Variants in VSIG2 observed in about 807,000 individuals in gnomAD.
VSIG2 encodes V-set and immunoglobulin domain-containing protein 2.
In VSIG2, 30 loss-of-function variants were observed where a neutral mutation model predicts 29.4. That is an observed-to-expected ratio of 1.02 (90% CI 0.76 to 1.38). The LOEUF is 1.38. Ranked by LOEUF, VSIG2 falls within the 40% of genes most tolerant of loss-of-function variation. VSIG2 has a pLI of 0.00. For missense variants in VSIG2, 421 were observed against 400.8 expected (o/e 1.05, Z -0.43); for synonymous variants, 178 against 174.2 (o/e 1.02, Z -0.17).
intron 1 of VSIG2, 96 bp from the exon 2 acceptor site, chr11:124,751,676 C>T: frequency 7.6e-7 from 1 of 1,313,232 alleles, no homozygotes; most frequent in Non-Finnish European, 1.0e-6. Context: ...GCTGGGGGCT[C>T]CCTCCCCAGA....
intron 4 of VSIG2, 133 bp downstream of exon 4, chr11:124,749,575 G>A: frequency 1.6e-6 from 2 of 1,253,326 alleles, no homozygotes; most frequent in Non-Finnish European, 2.2e-6. Context: ...GGAAGCCAAG[G>A]AAGAGACAGG....
Position 124,749,885 on chromosome 11 carries a change from A to AAAAAAAAAAAAAAAAC in VSIG2, c.428-20_428-19insGTTTTTTTTTTTTTTT, listed in dbSNP as rs1555108849. ...GGGGGAACTGCAAAAAAAAAAAAAA[A>AAAAAAAAAAAAAAAAC]AAAAAAAAAACAGAAAGTTCCTCAG... On this transcript the variant is annotated intron_variant, in intron 3 of 6. Transcript: ENST00000326621. The AAAAAAAAAAAAAAAAC allele has an allele frequency of 4.4e-5, 63 of 1,418,972 alleles. No individual in the cohort carries two copies. Among genetic ancestry groups the AAAAAAAAAAAAAAAAC allele is most frequent in the African/African-American group, 3.0e-4 (16 of 54,208 alleles). 87.9% of individuals were successfully genotyped at this position (1,418,972 alleles called of 1,614,324 possible). A position where few individuals can be genotyped will look rare whatever the true frequency, so the allele number is the denominator to read the frequency against.
At position 124,748,430 on chromosome 11, in the gene VSIG2, CCCTCTCTTT is replaced by C. The variant is rs755985374; in HGVS notation, c.802_810del (p.Lys268_Arg270del). 1 of 1,614,136 alleles carries C rather than the reference CCCTCTCTTT, an allele frequency of 6.2e-7. No individual in the cohort carries two copies. The highest frequency in any genetic ancestry group is 1.1e-5 in the South Asian group (1 of 91,076). On this transcript the variant is annotated inframe_deletion, in exon 6 of 7. Transcript: ENST00000326621. ...CCATATGTCTCCTTGGGCTTCTTCC[CCCTCTCTTT>C]CTGGAACCTGACCAGGCAGAACGCA...
rs1400068809 is a variant in VSIG2 at position 124,752,126 on chromosome 11, G to A, written c.12C>T (p.Leu4=). The A allele has an allele frequency of 6.2e-7, 1 of 1,603,358 alleles. No homozygotes were observed. The highest frequency in any genetic ancestry group is 8.5e-7 in the Non-Finnish European group (1 of 1,178,050). The change falls in exon 1 of 7, where the codon CTC becomes CTT. Residue 4 remains leucine, a synonymous_variant. Coordinates refer to ENST00000326621, the MANE Select transcript of VSIG2 (RefSeq NM_014312.5). ...GGGCCCCGCAGAGAAAGGGCCCCGG[G>A]AGCTCGGCCATGGCCGCGTCCGGCC... is the stretch of plus-strand genomic sequence containing the variant. MAE[L]PGPFLCGALL... is the part of the protein sequence containing the mutation.
Position 124,748,686 on chromosome 11 carries a change from G to T in VSIG2, c.664C>A (p.Gln222Lys). ...SGTYRCVATNQMGSASCELTL... is the reference protein window; with the variant it reads ...SGTYRCVATNKMGSASCELTL... ...AGCTCACAGGATGCACTGCCCATCT[G>T]GTTGGTGGCCACACAGCGGTAGGTG... Residue 222 changes from glutamine to lysine, a missense_variant, in exon 5 of 7, where the codon CAG (glutamine) becomes AAG (lysine). Physicochemically the swap from Gln to Lys is moderately conservative, Grantham distance 53 (BLOSUM62 1). Transcript: ENST00000326621. The T allele has an allele frequency of 6.2e-7, 1 of 1,614,140 alleles. No individual in the cohort carries two copies. Among genetic ancestry groups the T allele is most frequent in the Non-Finnish European group, 8.5e-7 (1 of 1,180,008 alleles).
Position 124,750,855 on chromosome 11 carries a change from G to C in VSIG2, c.286C>G (p.Gln96Glu), listed in dbSNP as rs751599838. The change falls in exon 3 of 7, where the codon CAG becomes GAG. Residue 96 changes from glutamine (Q) to glutamate (E), a missense_variant. Gln to Glu is a conservative substitution (Grantham distance 29, BLOSUM62 2). Coordinates refer to ENST00000326621, the MANE Select transcript of VSIG2 (RefSeq NM_014312.5). ...GSKSKRVSLLQNPPTVGVATL... is the reference protein window; with the variant it reads ...GSKSKRVSLLENPPTVGVATL... ...GCCACCCCCACTGTGGGGGGGTTCT[G>C]AAGCAGGCTGACCCGCTTTGACTTA... is the stretch of plus-strand genomic sequence containing the variant. 6.2e-7 allele frequency: 1 copy of C among 1,614,134 alleles called. No individual in the cohort carries two copies. The highest frequency in any genetic ancestry group is 1.7e-5 in the Admixed American group (1 of 60,028).
rs780111158 is a variant in VSIG2, at chr11:124,750,785, T to C, written c.356A>G (p.Tyr119Cys). ...TGGTGGGTTGTTGACTTGGCAGAGG[T>C]AGGTTCCAGTATCTGAGGGGTGGAC... ...TDVHPSDTGTYLCQVNNPPDF... is the reference protein window; with the variant it reads ...TDVHPSDTGTCLCQVNNPPDF... The change falls in exon 3 of 7, where the codon TAC becomes TGC. Residue 119 changes from tyrosine (Y) to cysteine (C), a missense_variant. By Grantham distance (194) the Tyr-to-Cys change is radical (BLOSUM62 -2). Coordinates refer to ENST00000326621, the MANE Select transcript of VSIG2 (RefSeq NM_014312.5). The C allele has an allele frequency of 6.2e-7, 1 of 1,613,968 alleles. No homozygotes were observed. The highest frequency in any genetic ancestry group is 8.5e-7 in the Non-Finnish European group (1 of 1,179,960).
In VSIG2 at chr11:124,752,070, T is replaced by G. The variant is rs924497018; in HGVS notation, c.61+7A>C. The G allele has an allele frequency of 6.2e-7, 1 of 1,604,092 alleles. No homozygotes were observed. The highest frequency in any genetic ancestry group is 8.5e-7 in the Non-Finnish European group (1 of 1,177,898). ...CCTCGCCGTGGTCCCGCCCGGCCCC[T>G]CCTCACCACTCAGGCACAGGAAGCC... is the stretch of plus-strand genomic sequence containing the variant. On this transcript the variant is annotated splice_region_variant and intron_variant, in intron 1 of 6. Coordinates refer to ENST00000326621, the MANE Select transcript of VSIG2 (RefSeq NM_014312.5).
In VSIG2 at chr11:124,751,589, G is replaced by A. The variant is rs370098469; in HGVS notation, c.62-9C>T. 1.4e-5 allele frequency: 22 copies of A among 1,569,088 alleles called. No homozygotes were observed. Among genetic ancestry groups the A allele is most frequent in the Admixed American group, 1.2e-4 (7 of 56,036 alleles). ...CACCTCCACGGCCAGCCCTGGGGCC[G>A]GGGACCAGAGGGAGGTGGGAACCCA... On this transcript the variant is annotated splice_polypyrimidine_tract_variant and intron_variant, in intron 1 of 6. Coordinates refer to ENST00000326621, the MANE Select transcript of VSIG2 (RefSeq NM_014312.5).
At chr11:124,749,603 G>T in intron 4 of VSIG2, 105 bp downstream of exon 4, 1 of 1,453,678 alleles carries the variant, frequency 6.9e-7, no homozygotes, top group Non-Finnish European at 9.3e-7. Context: ...ATAGTGGTTT[G>T]TGTCATACCC....
rs1555108850 is a variant in VSIG2, at chr11:124,749,885, A to AAAC, written c.428-20_428-19insGTT. The stretch of plus-strand genomic sequence containing the variant: ...GGGGGAACTGCAAAAAAAAAAAAAA[A>AAAC]AAAAAAAAAACAGAAAGTTCCTCAG... On this transcript the variant is annotated intron_variant, in intron 3 of 6. Coordinates refer to ENST00000326621, the MANE Select transcript of VSIG2 (RefSeq NM_014312.5). 7.0e-5 allele frequency: 99 copies of AAAC among 1,419,094 alleles called. No homozygotes were observed. The highest frequency in any genetic ancestry group is 4.8e-4 in the African/African-American group (26 of 54,178). The allele number at this position is 1,419,094 out of a possible 1,614,324, so 87.9% of individuals were successfully genotyped here.
chr11:124,749,627 G>C, intron 4 of VSIG2, 81 bp downstream of exon 4: 1 of 1,534,010 alleles, frequency 6.5e-7, no homozygotes, highest in Non-Finnish European at 8.8e-7. Context: ...GTCATGGAAC[G>C]GATAATACGG....
At position 124,752,131 on chromosome 11, in the gene VSIG2, C is replaced by G. The variant is rs773441220; in HGVS notation, c.7G>C (p.Glu3Gln). 1.3e-6 allele frequency: 2 copies of G among 1,598,850 alleles called. No individual in the cohort carries two copies. The highest frequency in any genetic ancestry group is 2.7e-5 in the African/African-American group (2 of 74,836). MA[E>Q]LPGPFLCGAL... The stretch of plus-strand genomic sequence containing the variant: ...CCGCAGAGAAAGGGCCCCGGGAGCT[C>G]GGCCATGGCCGCGTCCGGCCGTCCT... The change falls in exon 1 of 7, where the codon GAG becomes CAG. Residue 3 changes from glutamate to glutamine, a missense_variant. Coordinates refer to ENST00000326621, the MANE Select transcript of VSIG2 (RefSeq NM_014312.5).
chr11:124,749,166 G>A (rs1195966507), intron 4 of VSIG2, among the ~76,000 whole-genome samples: 2 of 152,156 alleles, frequency 1.3e-5, no homozygotes, highest in African/African-American at 4.8e-5. Flanking sequence ...TTTCTAAACT[G>A]TTTACCTTTG....
chr11:124,750,663 C>T, intron 3 of VSIG2, 51 bp downstream of exon 3: 3 of 1,588,176 alleles, frequency 1.9e-6, no homozygotes, highest in Non-Finnish European at 2.6e-6. Context: ...AGTGCAAACG[C>T]CCCAAGTATG....
chr11:124,749,945 G>A (rs572762425), intron 3 of VSIG2, 79 bp from the exon 4 acceptor site: 7 of 1,415,996 alleles, frequency 4.9e-6, no homozygotes, highest in Non-Finnish European at 6.5e-6. Flanking sequence ...TCCATTAGGT[G>A]CTACATTCTC....
At chr11:124,748,873 A>G in intron 4 of VSIG2, 110 bp from the exon 5 acceptor site, 1 of 1,527,238 alleles carries the variant, frequency 6.5e-7, no homozygotes, top group Non-Finnish European at 9.0e-7. Context: ...GGAGCAACTA[A>G]TTTTTTTTCA....
At position 124,748,743 on chromosome 11, in the gene VSIG2, T is replaced by A; in HGVS notation, c.607A>T (p.Ile203Phe). ...GAGGTCAGGGAGAGGTTGGTGAGAA[T>A]GAGCTGGCCAGACACCTCATCTAGA... ...MVQDEVSGQL[I>F]LTNLSLTSSG... The change falls in exon 5 of 7, where the codon ATT becomes TTT. Residue 203 changes from isoleucine to phenylalanine, a missense_variant. Ile to Phe is a conservative substitution (Grantham distance 21). Coordinates refer to ENST00000326621, the MANE Select transcript of VSIG2 (RefSeq NM_014312.5). The A allele has an allele frequency of 6.2e-7, 1 of 1,614,194 alleles. No homozygotes were observed. The highest frequency in any genetic ancestry group is 8.5e-7 in the Non-Finnish European group (1 of 1,180,036).
intron 2 of VSIG2, 138 bp from the exon 3 acceptor site, chr11:124,751,059 C>A: frequency 1.1e-6 from 1 of 871,612 alleles, no homozygotes; most frequent in Non-Finnish European, 1.7e-6. Context: ...GCTGGAACTC[C>A]AAAGGTCTCT....
Sources: gnomAD v4.1 joint callset for allele counts (sites outside exome capture counted in the v4.1 genomes callset) on GRCh38, gnomAD v4.1.1 for gene constraint, MANE v1.5 for transcripts, NCBI Gene and HGNC (gene_info 2026-07-23, HGNC 2026-07-21) for gene names.